SPSB4: variants seen among roughly 807,000 people sequenced by gnomAD.
The protein encoded by SPSB4 is splA/ryanodine receptor domain and SOCS box containing 4.
A neutral mutation model predicts 20.9 loss-of-function variants in SPSB4; 21 were observed. That is an observed-to-expected ratio of 1.01 (90% CI 0.71 to 1.45). The LOEUF (loss-of-function observed/expected upper bound fraction) is 1.45, where lower values mean the gene tolerates loss of function less well. SPSB4 is among the 40% of genes most tolerant of loss of function. SPSB4 has a pLI of 0.00. For missense variants in SPSB4, 399 were observed against 399.2 expected (o/e 1.00, Z 0.00); for synonymous variants, 207 against 183.8 (o/e 1.13, Z -1.02).
intron 2 of SPSB4, among the ~76,000 whole-genome samples, chr3:141,141,013 C>T (rs1048957445): frequency 6.6e-6 from 1 of 152,242 alleles, no homozygotes; most frequent in Admixed American, 6.5e-5. Flanking sequence ...GTTTTACCTA[C>T]TCAAGCCTGA....
Position 141,066,290 on chromosome 3 carries a change from G to C in SPSB4, c.186G>C (p.Ser62=). Residue 62 remains serine, a synonymous_variant, in exon 2 of 3, where the codon TCG becomes TCC. Transcript: ENST00000310546. Reference sequence around the variant, plus strand: ...ACGCGTGGAACCCCGAGGACCGCTCGCTCAACGTCTTCGTCAAGGACGACG... The same window carrying C: ...ACGCGTGGAACCCCGAGGACCGCTCCCTCAACGTCTTCGTCAAGGACGACG... ...LRHAWNPEDR[S]LNVFVKDDDR... is the part of the protein sequence containing the mutation. 1.9e-6 allele frequency: 3 copies of C among 1,568,692 alleles called. No homozygotes were observed. Among genetic ancestry groups the C allele is most frequent in the South Asian group, 2.3e-5 (2 of 85,224 alleles).
chr3:141,074,807 G>A (rs1938074463), intron 2 of SPSB4, among the ~76,000 whole-genome samples: 1 of 152,232 alleles, frequency 6.6e-6, no homozygotes, highest in Non-Finnish European at 1.5e-5. Flanking sequence ...TGCGAAAATA[G>A]TGACTTGGTC....
intron 2 of SPSB4, among the ~76,000 whole-genome samples, chr3:141,137,408 G>T (rs945960605): frequency 1.3e-5 from 2 of 152,156 alleles, no homozygotes; most frequent in African/African-American, 4.8e-5. Context: ...TCCCTGTCTT[G>T]TGCCAGTTTT....
chr3:141,124,031 C>A (rs1339997406), intron 2 of SPSB4: 1 of 152,292 alleles, frequency 6.6e-6, no homozygotes, highest in Admixed American at 6.5e-5. Flanking sequence ...CAGGCTTCTT[C>A]AGTGGACTCA....
intron 2 of SPSB4, among the ~76,000 whole-genome samples, chr3:141,069,564 C>G (rs1937954564): frequency 6.6e-6 from 1 of 152,202 alleles, no homozygotes. Flanking sequence ...CAGGCCAACT[C>G]TCTGGGGTTA....
At chr3:141,106,992 C>T (rs1280160104) in intron 2 of SPSB4, among the ~76,000 whole-genome samples, 2 of 152,210 alleles carry the variant, frequency 1.3e-5, no homozygotes, top group African/African-American at 2.4e-5. Flanking sequence ...CTTCTTATTG[C>T]AGGCCATGCC....
intron 2 of SPSB4, among the ~76,000 whole-genome samples, chr3:141,071,790 C>A (rs1240113990): frequency 6.6e-6 from 1 of 152,204 alleles, no homozygotes. Context: ...TCCCCCTGCA[C>A]GGAGCCGAGG....
At chr3:141,096,682 T>C (rs1026999216) in intron 2 of SPSB4, among the ~76,000 whole-genome samples, 2 of 152,240 alleles carry the variant, frequency 1.3e-5, no homozygotes, top group African/African-American at 4.8e-5. Context: ...TTACAGTATA[T>C]AGCATCCTAC....
At chr3:141,087,580 TAAA>T (rs1553739779) in intron 2 of SPSB4, among the ~76,000 whole-genome samples, 1 of 152,132 alleles carries the variant, frequency 6.6e-6, no homozygotes, top group Non-Finnish European at 1.5e-5. Context: ...ATTTGATCCT[TAAA>T]TAGTCCTGGG....
At chr3:141,071,377 G>C (rs1246173401) in intron 2 of SPSB4, among the ~76,000 whole-genome samples, 1 of 152,158 alleles carries the variant, frequency 6.6e-6, no homozygotes, top group Non-Finnish European at 1.5e-5. Context: ...ATCAGACAGA[G>C]ACAAGAGGCC....
chr3:141,120,046 G>C (rs981843514), intron 2 of SPSB4, among the ~76,000 whole-genome samples: 1 of 152,074 alleles, frequency 6.6e-6, no homozygotes, highest in African/African-American at 2.4e-5. Flanking sequence ...CCTCTTGTGG[G>C]CATTTAGTGC....
Position 141,066,315 on chromosome 3 carries a change from G to A in SPSB4, c.211G>A (p.Asp71Asn), listed in dbSNP as rs781466077. 2 of 1,573,160 alleles carry A rather than the reference G, an allele frequency of 1.3e-6. No homozygotes were observed. The highest frequency in any genetic ancestry group is 1.4e-5 in the African/African-American group (1 of 73,584). Residue 71 changes from aspartate to asparagine, a missense_variant, in exon 2 of 3, where the codon GAC (aspartate) becomes AAC (asparagine). Asp to Asn is a conservative substitution (Grantham distance 23). Transcript: ENST00000310546. ...RSLNVFVKDD[D>N]RLTFHRHPVA... ...GCTCAACGTCTTCGTCAAGGACGAC[G>A]ACCGGCTCACCTTCCACCGGCACCC... is the stretch of plus-strand genomic sequence containing the variant.
At chr3:141,126,239 CCT>C (rs1482982123) in intron 2 of SPSB4, among the ~76,000 whole-genome samples, 2 of 152,180 alleles carry the variant, frequency 1.3e-5, no homozygotes, top group East Asian at 3.9e-4. Context: ...GGCTCAAACC[CCT>C]GTCTCCTGAA....
At chr3:141,140,153 C>A (rs542803804) in intron 2 of SPSB4, among the ~76,000 whole-genome samples, 1 of 152,138 alleles carries the variant, frequency 6.6e-6, no homozygotes, top group Non-Finnish European at 1.5e-5. Flanking sequence ...GCATTCGTCA[C>A]GTGGTTCTTG....
At chr3:141,078,186 TGGAAG>T (rs1251914462) in intron 2 of SPSB4, among the ~76,000 whole-genome samples, 2 of 152,226 alleles carry the variant, frequency 1.3e-5, no homozygotes, top group Non-Finnish European at 2.9e-5. Context: ...TCCTCAGCTG[TGGAAG>T]AGCTTGGCCC....
At chr3:141,057,752 T>C (rs570050526) in intron 1 of SPSB4, among the ~76,000 whole-genome samples, 22 of 152,324 alleles carry the variant, frequency 1.4e-4, no homozygotes, top group Non-Finnish European at 2.1e-4. Flanking sequence ...TCAGAGAACC[T>C]GTCGAGGATT....
intron 2 of SPSB4, among the ~76,000 whole-genome samples, chr3:141,141,280 A>T (rs989048783): frequency 2.0e-5 from 3 of 152,194 alleles, no homozygotes; most frequent in African/African-American, 7.2e-5. Context: ...TGCACTTCCC[A>T]GGTGAGGCGA....
At chr3:141,056,568 A>G (rs1040430679) in intron 1 of SPSB4, among the ~76,000 whole-genome samples, 8 of 152,260 alleles carry the variant, frequency 5.3e-5, no homozygotes, top group African/African-American at 1.9e-4. Context: ...TCTTTTAGGC[A>G]TTCTGTTTCC....
intron 2 of SPSB4, chr3:141,117,118 C>G (rs559134532): frequency 6.6e-6 from 1 of 152,422 alleles, no homozygotes; most frequent in South Asian, 2.1e-4. Context: ...TTCACCTTGT[C>G]CCGAAGAACA....
Sources: gnomAD v4.1 joint callset for allele counts (sites outside exome capture counted in the v4.1 genomes callset) on GRCh38, gnomAD v4.1.1 for gene constraint, MANE v1.5 for transcripts, NCBI Gene and HGNC (gene_info 2026-07-23, HGNC 2026-07-21) for gene names.